Variants in CACNA1E observed in about 807,000 individuals in gnomAD.
CACNA1E encodes calcium voltage-gated channel subunit alpha1 E, also known as voltage-dependent R-type calcium channel subunit alpha-1E.
Under a neutral mutation model 259.2 loss-of-function variants are expected in CACNA1E, and 40 were observed. The observed-to-expected ratio is 0.15, with a 90% CI of 0.12 to 0.20. The LOEUF (loss-of-function observed/expected upper bound fraction) is 0.20, where lower values mean the gene tolerates loss of function less well. Among genes scored for constraint, CACNA1E ranks in the 10% least tolerant of loss-of-function variants. The probability of loss-of-function intolerance (pLI) is 1.00; values close to 1 mark genes in which losing one functional copy is unlikely to be tolerated. For missense variants in CACNA1E, 1,874 were observed against 3,040.1 expected (o/e 0.62, Z 9.02); for synonymous variants, 1,104 against 1,138.5 (o/e 0.97, Z 0.61).
At chr1:181,730,160 A>T (rs944653035) in intron 18 of CACNA1E, among the ~76,000 whole-genome samples, 8 of 152,170 alleles carry the variant, frequency 5.3e-5, no homozygotes. Flanking sequence ...TTCTGCAGAC[A>T]TGTGAAAGAT....
At chr1:181,616,899 T>C (rs1470275885) in intron 6 of CACNA1E, among the ~76,000 whole-genome samples, 2 of 152,226 alleles carry the variant, frequency 1.3e-5, no homozygotes, top group African/African-American at 2.4e-5. Flanking sequence ...TGTCAATTAC[T>C]GTAAGTTATT....
At chr1:181,376,875 G>A (rs1394177869) in intron 1 of CACNA1E, among the ~76,000 whole-genome samples, 1 of 152,104 alleles carries the variant, frequency 6.6e-6, no homozygotes, top group Non-Finnish European at 1.5e-5. Context: ...TGCTACTTCT[G>A]TACCCCTGAG....
chr1:181,759,862 C>T (rs1023645024), intron 32 of CACNA1E, among the ~76,000 whole-genome samples: 19 of 152,194 alleles, frequency 1.2e-4, no homozygotes, highest in Non-Finnish European at 2.2e-4. Flanking sequence ...GTGTTGATTA[C>T]GGGGGCTGCT....
At chr1:181,511,822 A>C (rs1426284318) in intron 3 of CACNA1E, among the ~76,000 whole-genome samples, 1 of 152,166 alleles carries the variant, frequency 6.6e-6, no homozygotes, top group African/African-American at 2.4e-5. Flanking sequence ...TTCTCTGGGG[A>C]GGGTGACATT....
At chr1:181,447,005 C>T (rs1326560463) in intron 2 of CACNA1E, among the ~76,000 whole-genome samples, 1 of 152,150 alleles carries the variant, frequency 6.6e-6, no homozygotes, top group South Asian at 2.1e-4. Flanking sequence ...TTATCCTTCA[C>T]TGTAGGGTGA....
intron 2 of CACNA1E, among the ~76,000 whole-genome samples, chr1:181,470,006 C>T (rs1056878669): frequency 6.6e-6 from 1 of 151,782 alleles, no homozygotes; most frequent in Non-Finnish European, 1.5e-5. Context: ...TGAGTCATCC[C>T]TCCTGCATGT....
At chr1:181,599,630 T>A (rs1398770080) in intron 6 of CACNA1E, among the ~76,000 whole-genome samples, 1 of 152,238 alleles carries the variant, frequency 6.6e-6, no homozygotes, top group African/African-American at 2.4e-5. Flanking sequence ...TGCAGGGATG[T>A]CTACTATTTC....
rs1329166095 is a variant in CACNA1E, at chr1:181,732,673, C to T, written c.2587C>T (p.Arg863Ter). 2 of 1,522,816 alleles carry T rather than the reference C, an allele frequency of 1.3e-6. No homozygotes were observed. Among genetic ancestry groups the T allele is most frequent in the Non-Finnish European group, 1.8e-6 (2 of 1,137,360 alleles). The allele number at this position is 1,522,816 out of a possible 1,614,324, so 94.3% of individuals were successfully genotyped here. The change falls in exon 20 of 48, where the codon CGA becomes TGA. Residue 863 changes from arginine to a stop codon, truncating the protein, a stop_gained. Coordinates refer to ENST00000367573, the MANE Select transcript of CACNA1E (RefSeq NM_001205293.3). LOFTEE classifies it high-confidence loss of function. This position sits in a 1 kb window ranked among gnomAD's most constrained non-coding sequence, Gnocchi z 5.5. ...GGSLKGDGGD[R>*]SSALDNQRTP... ...GTCCCTCAAGGGGGATGGAGGGGAC[C>T]GATCCAGTGCCCTGGACAACCAGAG... is the stretch of plus-strand genomic sequence containing the variant.
chr1:181,472,959 T>A (rs1305066581), intron 2 of CACNA1E, among the ~76,000 whole-genome samples: 1 of 152,138 alleles, frequency 6.6e-6, no homozygotes, highest in Non-Finnish European at 1.5e-5. Flanking sequence ...GCAGGAAAAC[T>A]AGTTGAGATG....
chr1:181,461,592 G>C (rs1571924466), intron 2 of CACNA1E, among the ~76,000 whole-genome samples: 1 of 148,862 alleles, frequency 6.7e-6, no homozygotes, highest in African/African-American at 2.5e-5. Flanking sequence ...ATAGATGATA[G>C]TTTCTAATAC....
chr1:181,579,197 C>T lies in CACNA1E; in HGVS notation c.742C>T (p.His248Tyr). 2 of 1,613,632 alleles carry T rather than the reference C, an allele frequency of 1.2e-6. No homozygotes were observed. Among genetic ancestry groups the T allele is most frequent in the Non-Finnish European group, 1.7e-6 (2 of 1,179,720 alleles). ...IGLEFYSGKL[H>Y]RACFMNNSGI... is the part of the protein sequence containing the mutation. ...TTTGGAGTTCTACAGTGGCAAGTTA[C>T]ATCGAGCATGCTTCATGAACAATTC... Residue 248 changes from histidine (H) to tyrosine (Y), a missense_variant, in exon 5 of 48, where the codon CAT becomes TAT. Coordinates refer to ENST00000367573, the MANE Select transcript of CACNA1E (RefSeq NM_001205293.3).
intron 25 of CACNA1E, among the ~76,000 whole-genome samples, chr1:181,747,283 T>G (rs113475329): frequency 7.9e-5 from 12 of 152,346 alleles, no homozygotes; most frequent in African/African-American, 2.9e-4. Flanking sequence ...AATCAGTTCC[T>G]GGCAGAAATC....
intron 3 of CACNA1E, among the ~76,000 whole-genome samples, chr1:181,511,872 C>G (rs1333758254): frequency 1.3e-5 from 2 of 152,232 alleles, no homozygotes; most frequent in Non-Finnish European, 2.9e-5. Flanking sequence ...AGCTTACCCC[C>G]GCCTGGGAGG....
chr1:181,674,474 G>C (rs2102220848), intron 7 of CACNA1E, among the ~76,000 whole-genome samples: 1 of 148,380 alleles, frequency 6.7e-6, no homozygotes, highest in South Asian at 2.2e-4. Context: ...ATGTCACAGA[G>C]TTTAATCTTA....
At chr1:181,321,152 G>A (rs1264062461) in intron 1 of CACNA1E, among the ~76,000 whole-genome samples, 1 of 152,134 alleles carries the variant, frequency 6.6e-6, no homozygotes, top group East Asian at 1.9e-4. Flanking sequence ...CCTCGAGGAC[G>A]GTGCCAAGCC....
chr1:181,344,538 C>G (rs1652438428), intron 1 of CACNA1E, among the ~76,000 whole-genome samples: 1 of 152,192 alleles, frequency 6.6e-6, no homozygotes. Context: ...CTCAGCCTTT[C>G]TGCCACCCTC....
chr1:181,483,636 G>A lies in CACNA1E; in HGVS notation c.-109G>A. On this transcript the variant is annotated 5_prime_UTR_variant, in exon 1 of 48. Coordinates refer to ENST00000367573, the MANE Select transcript of CACNA1E (RefSeq NM_001205293.3). ...GCTCCCCAGAGGCGGTGGTCCCCGT[G>A]CTTGTCTGGATGCGGCTCTGAGTCT... 1 of 690,738 alleles carries A rather than the reference G, an allele frequency of 1.4e-6. No homozygotes were observed. Among genetic ancestry groups the A allele is most frequent in the Middle Eastern group, 4.1e-4 (1 of 2,432 alleles). 42.8% of individuals were successfully genotyped at this position (690,738 alleles called of 1,614,324 possible). A position where few individuals can be genotyped will look rare whatever the true frequency, so the allele number is the denominator to read the frequency against.
chr1:181,713,226 C>A (rs1029138645), intron 8 of CACNA1E, among the ~76,000 whole-genome samples: 8 of 152,114 alleles, frequency 5.3e-5, no homozygotes, highest in African/African-American at 1.9e-4. Context: ...TGGGGGGTCC[C>A]CAGATCTGCT....
At chr1:181,689,828 T>G (rs1056201496) in intron 7 of CACNA1E, among the ~76,000 whole-genome samples, 1 of 152,176 alleles carries the variant, frequency 6.6e-6, no homozygotes, top group Non-Finnish European at 1.5e-5. Flanking sequence ...TGGGGTTGTT[T>G]TTTTTCTTGT....
Sources: gnomAD v4.1 joint callset for allele counts (sites outside exome capture counted in the v4.1 genomes callset) on GRCh38, gnomAD v4.1.1 for gene constraint, Gnocchi (gnomAD v3.1) non-coding constraint, MANE v1.5 for transcripts, NCBI Gene and HGNC (gene_info 2026-07-23, HGNC 2026-07-21) for gene names.